The following PROX1 variants were observed in gnomAD, a reference collection of about 807,000 sequenced individuals.
PROX1 encodes prospero homeobox 1.
PROX1 carries 7 observed loss-of-function variants against 58.8 expected under a neutral mutation model. That is an observed-to-expected ratio of 0.12 (90% CI 0.07 to 0.22). The LOEUF (loss-of-function observed/expected upper bound fraction) is 0.22, where lower values mean the gene tolerates loss of function less well. PROX1 is among the 10% of genes least tolerant of loss of function. PROX1 has a pLI of 1.00. For synonymous variants in PROX1, 350 were observed against 358.3 expected (o/e 0.98, Z 0.26); for missense variants, 675 against 927.8 (o/e 0.73, Z 3.54).
chr1:213,998,258 G>T lies in PROX1; in HGVS notation c.1723G>T (p.Ala575Ser). 1 of 1,538,476 alleles carries T rather than the reference G, an allele frequency of 6.5e-7. No individual in the cohort carries two copies. The highest frequency in any genetic ancestry group is 8.7e-7 in the Non-Finnish European group (1 of 1,143,956). ...TGAAATATCACCTTATTCGGGAAGT[G>T]CAATATCCTTTTATTTTCCCCTCGA... Reference protein sequence around the residue: ...MSEISPYSGSAMQEGLSPNHL... With the variant: ...MSEISPYSGSSMQEGLSPNHL... Residue 575 changes from alanine to serine, a missense_variant and splice_region_variant, in exon 2 of 5, where the codon GCA becomes TCA. This residue lies in a region of PROX1 where 39 missense variants were observed against 73.4 expected (regional missense o/e 0.53). Transcript: ENST00000366958.
chr1:214,031,630 T>A (rs1571845643), intron 4 of PROX1, among the ~76,000 whole-genome samples: 1 of 152,198 alleles, frequency 6.6e-6, no homozygotes, highest in East Asian at 1.9e-4. Flanking sequence ...AGGGATTACT[T>A]GTCACTAAGG....
chr1:214,031,954 T>C (rs1263205957), intron 4 of PROX1, among the ~76,000 whole-genome samples: 1 of 152,204 alleles, frequency 6.6e-6, no homozygotes, highest in African/African-American at 2.4e-5. Flanking sequence ...AGTATCTCAT[T>C]ACAACTTTCT....
rs563659906 is a variant in PROX1, at chr1:213,988,426, T to TAGAGAGAGAGAGAGAG, written c.-110_-95dup. ...GGGAAAAAAAAGAGAGAGAGAGAGA[T>TAGAGAGAGAGAGAGAG]AGAGAGAGAGAGAGAGAGAGAGAGA... On this transcript the variant is annotated 5_prime_UTR_variant, in exon 1 of 5. Transcript: ENST00000366958. The TAGAGAGAGAGAGAGAG allele has an allele frequency of 2.2e-5, 3 of 136,960 alleles. No homozygotes were observed. The highest frequency in any genetic ancestry group is 8.1e-5 in the African/African-American group (3 of 37,212). The allele number at this position is 136,960 out of a possible 1,614,324, so 8.5% of individuals were successfully genotyped here. A position where few individuals can be genotyped will look rare whatever the true frequency, so the allele number is the denominator to read the frequency against.
At chr1:214,021,796 T>G (rs1405599143) in intron 4 of PROX1, among the ~76,000 whole-genome samples, 1 of 152,244 alleles carries the variant, frequency 6.6e-6, no homozygotes, top group Non-Finnish European at 1.5e-5. Flanking sequence ...TGGCAAATAC[T>G]CTGGCAAATA....
Position 214,028,219 on chromosome 1 carries a change from T to C in PROX1, c.2029-7430T>C, listed in dbSNP as rs1664525850. ...AAAGCAACTTCACAGCCAGTGCTCCTGGATCCTGCTAGTTTTTCCAAACAC... is the reference window on the plus strand; with the variant it reads ...AAAGCAACTTCACAGCCAGTGCTCCCGGATCCTGCTAGTTTTTCCAAACAC... On this transcript the variant is annotated intron_variant, in intron 4 of 4. Coordinates refer to ENST00000366958, the MANE Select transcript of PROX1 (RefSeq NM_001270616.2). Among the ~76,000 whole-genome samples the C allele has an allele frequency of 2.0e-5, 3 of 152,182 alleles. No individual in the cohort carries two copies. In the South Asian group the frequency reaches 6.2e-4, roughly 32 times the overall value.
intron 4 of PROX1, among the ~76,000 whole-genome samples, chr1:214,034,867 G>A (rs999644592): frequency 6.6e-6 from 1 of 152,108 alleles, no homozygotes; most frequent in African/African-American, 2.4e-5. Context: ...TAGAGAGATT[G>A]GGAGAACTGA....
rs1382687371 is a variant in PROX1, at chr1:213,997,375, C to A, written c.840C>A (p.Arg280=). The change falls in exon 2 of 5, where the codon CGC becomes CGA. Residue 280 remains arginine (R), a synonymous_variant. Coordinates refer to ENST00000366958, the MANE Select transcript of PROX1 (RefSeq NM_001270616.2). The surrounding 1 kb of genome is among the most constrained non-coding windows in gnomAD (Gnocchi z 7.1). ...GTAACCTGTCTGAAGACAGCATGCGCTCGGAGATCCTGGATGCCAGGGCCC... is the reference window on the plus strand; with the variant it reads ...GTAACCTGTCTGAAGACAGCATGCGATCGGAGATCCTGGATGCCAGGGCCC... ...EDGNLSEDSM[R]SEILDARAQD... is the part of the protein sequence containing the mutation. The A allele has an allele frequency of 6.2e-7, 1 of 1,613,986 alleles. No homozygotes were observed. Among genetic ancestry groups the A allele is most frequent in the South Asian group, 1.1e-5 (1 of 91,078 alleles).
chr1:214,018,201 G>T (rs796207653), intron 4 of PROX1, among the ~76,000 whole-genome samples: 1 of 152,206 alleles, frequency 6.6e-6, no homozygotes, highest in East Asian at 1.9e-4. Flanking sequence ...TTTTCCCCCC[G>T]CAGGATGTTA....
At chr1:214,004,836 A>G (rs1558175242) in intron 2 of PROX1, among the ~76,000 whole-genome samples, 1 of 152,196 alleles carries the variant, frequency 6.6e-6, no homozygotes, top group Admixed American at 6.5e-5. Flanking sequence ...TGTTGGGTGC[A>G]TTTGTCTCCT....
Position 213,996,725 on chromosome 1 carries a change from G to A in PROX1, c.190G>A (p.Gly64Arg). ...GTATTCAGTGGTGCAGCATGCAGATGGGGAAAAGTCAAATGTACTCCGCAA... is the reference window on the plus strand; with the variant it reads ...GTATTCAGTGGTGCAGCATGCAGATAGGGAAAAGTCAAATGTACTCCGCAA... ...VEYSVVQHADGEKSNVLRKLL... is the reference protein window; with the variant it reads ...VEYSVVQHADREKSNVLRKLL... Residue 64 changes from glycine (G) to arginine (R), a missense_variant, in exon 2 of 5, where the codon GGG becomes AGG. Transcript: ENST00000366958. The A allele has an allele frequency of 6.2e-7, 1 of 1,614,176 alleles. No homozygotes were observed. The highest frequency in any genetic ancestry group is 8.5e-7 in the Non-Finnish European group (1 of 1,180,042).
chr1:214,025,241 G>A (rs1057406231), intron 4 of PROX1, among the ~76,000 whole-genome samples: 23 of 152,136 alleles, frequency 1.5e-4, no homozygotes, highest in East Asian at 5.8e-4. Context: ...TAACTCCATC[G>A]GGGGAATGGT....
At position 213,992,929 on chromosome 1, in the gene PROX1, T is replaced by A. The variant is rs563131471; in HGVS notation, c.-67-3540T>A. 6.6e-5 allele frequency among the ~76,000 whole-genome samples: 10 copies of A among 152,314 alleles called. No individual in the cohort carries two copies. In the South Asian group the frequency reaches 2.1e-3, roughly 32 times the overall value. On this transcript the variant is annotated intron_variant, in intron 1 of 4. Coordinates refer to ENST00000366958, the MANE Select transcript of PROX1 (RefSeq NM_001270616.2). ...TTTCCTCCTAACCTTAAGTCATCAG[T>A]TTCCTTAGAATTTTGCATGTTAAAG...
intron 4 of PROX1, among the ~76,000 whole-genome samples, chr1:214,031,557 C>T (rs1264246885): frequency 1.3e-5 from 2 of 152,088 alleles, no homozygotes; most frequent in African/African-American, 4.8e-5. Context: ...CCACCTGATG[C>T]TGAGGAGATA....
chr1:213,992,633 C>A (rs1443430601), intron 1 of PROX1, among the ~76,000 whole-genome samples: 1 of 152,106 alleles, frequency 6.6e-6, no homozygotes, highest in Non-Finnish European at 1.5e-5. Flanking sequence ...ACAATTTCTT[C>A]AAATAATTTT....
At chr1:214,008,487 A>C (rs1330223317) in intron 3 of PROX1, among the ~76,000 whole-genome samples, 2 of 152,190 alleles carry the variant, frequency 1.3e-5, no homozygotes, top group East Asian at 3.8e-4. Flanking sequence ...ATATGGTATA[A>C]CGTAATGGTC....
chr1:214,014,180 T>C (rs1471887454), intron 4 of PROX1, among the ~76,000 whole-genome samples: 1 of 152,196 alleles, frequency 6.6e-6, no homozygotes, highest in Admixed American at 6.5e-5. Flanking sequence ...TTTGCTAGTG[T>C]GGGCCGTGGC....
chr1:214,013,964 C>CACTT (rs202059691), intron 4 of PROX1, among the ~76,000 whole-genome samples: 2 of 152,308 alleles, frequency 1.3e-5, no homozygotes, highest in East Asian at 3.9e-4. Flanking sequence ...TCTACTCACA[C>CACTT]ACTTACACAT....
At chr1:214,003,964 G>GTGTGTC (rs1309203871) in intron 2 of PROX1, among the ~76,000 whole-genome samples, 1 of 152,174 alleles carries the variant, frequency 6.6e-6, no homozygotes, top group Non-Finnish European at 1.5e-5. Context: ...TTGGGTAGTT[G>GTGTGTC]TGTGAGTGTG....
intron 4 of PROX1, among the ~76,000 whole-genome samples, chr1:214,026,684 C>T (rs1295270062): frequency 4.6e-5 from 7 of 152,122 alleles, no homozygotes; most frequent in Non-Finnish European, 1.5e-5. Flanking sequence ...TTTCTAAATA[C>T]TCTTAAAAGA....
Sources: gnomAD v4.1 joint callset for allele counts (sites outside exome capture counted in the v4.1 genomes callset) on GRCh38, gnomAD v4.1.1 for gene constraint, gnomAD v4.1.1 regional missense constraint, Gnocchi (gnomAD v3.1) non-coding constraint, MANE v1.5 for transcripts, NCBI Gene and HGNC (gene_info 2026-07-23, HGNC 2026-07-21) for gene names.